FAM117A: variants seen among roughly 807,000 people sequenced by gnomAD.
FAM117A encodes protein FAM117A.
In FAM117A, 21 loss-of-function variants were observed where a neutral mutation model predicts 44.1. The ratio of observed to expected loss-of-function variants is 0.48; its 90% confidence interval spans 0.34 to 0.69. The LOEUF is 0.69. Ranked by LOEUF, FAM117A falls within the 30% of genes least tolerant of loss-of-function variation. FAM117A has a pLI of 0.01. For synonymous variants in FAM117A, 220 were observed against 238.3 expected (o/e 0.92, Z 0.71); for missense variants, 498 against 589.9 (o/e 0.84, Z 1.61).
upstream of FAM117A, among the ~76,000 whole-genome samples, chr17:49,768,366 A>G (rs934229701): frequency 2.2e-4 from 33 of 152,012 alleles, no homozygotes; most frequent in African/African-American, 6.5e-4. Flanking sequence ...GTTTCAAATC[A>G]CCATTTTTAC....
chr17:49,711,628 A>T, intron 7 of FAM117A, 73 bp from the exon 8 acceptor site: 1 of 1,415,978 alleles, frequency 7.1e-7, no homozygotes, highest in African/African-American at 1.4e-5. Flanking sequence ...AGAGGGTGAG[A>T]TGTCACAGCA....
chr17:49,761,883 C>G (rs2073723818), intron 1 of FAM117A, among the ~76,000 whole-genome samples: 3 of 152,226 alleles, frequency 2.0e-5, no homozygotes, highest in African/African-American at 7.2e-5. Flanking sequence ...GATAATCCCC[C>G]CAACTACCAA....
chr17:49,712,788 G>C (rs146799827), intron 7 of FAM117A, among the ~76,000 whole-genome samples: 27 of 152,326 alleles, frequency 1.8e-4, no homozygotes, highest in Non-Finnish European at 2.5e-4. Context: ...ACAACTGTGA[G>C]AAAGGCAGCT....
chr17:49,767,084 A>G (rs923306282), upstream of FAM117A, among the ~76,000 whole-genome samples: 2 of 152,220 alleles, frequency 1.3e-5, no homozygotes, highest in Non-Finnish European at 2.9e-5. Flanking sequence ...GGAGGCATGC[A>G]TAGGACAATT....
upstream of FAM117A, chr17:49,788,718 G>C: frequency 8.7e-6 from 10 of 1,152,664 alleles, no homozygotes; most frequent in Non-Finnish European, 1.1e-5. Context: ...GGAGGCACTA[G>C]GGATCGTCCG....
At chr17:49,724,575 G>C (rs1247832072) in intron 2 of FAM117A, 5 of 440,318 alleles carry the variant, frequency 1.1e-5, no homozygotes, top group South Asian at 3.2e-5. Flanking sequence ...GCTCATGCCT[G>C]TAATCCCAAC....
At chr17:49,758,678 T>A (rs752298908) in intron 1 of FAM117A, among the ~76,000 whole-genome samples, 1,860 of 129,200 alleles carry the variant, frequency 0.014, 44 homozygotes, top group African/African-American at 0.051. Flanking sequence ...AATAAATAAA[T>A]AAAATAAAAG....
At chr17:49,745,013 CAAAA>C (rs34358343) in intron 1 of FAM117A, among the ~76,000 whole-genome samples, 2 of 71,948 alleles carry the variant, frequency 2.8e-5, no homozygotes, top group Non-Finnish European at 5.0e-5. Context: ...GACTCTGTCT[CAAAA>C]AAAAAAAAAA....
chr17:49,740,655 A>G (rs1443613820), intron 1 of FAM117A, among the ~76,000 whole-genome samples: 1 of 152,208 alleles, frequency 6.6e-6, no homozygotes, highest in Non-Finnish European at 1.5e-5. Context: ...AGGCTGATGC[A>G]AATTCTCTCT....
chr17:49,763,123 T>TACACACACACAC (rs10603200), intron 1 of FAM117A, among the ~76,000 whole-genome samples: 13 of 141,068 alleles, frequency 9.2e-5, no homozygotes, highest in Admixed American at 3.6e-4. Context: ...TCCCCCCCGC[T>TACACACACACAC]ACACACACAC....
At chr17:49,719,626 A>T (rs2073523659) in intron 5 of FAM117A, 134 bp downstream of exon 5, 1 of 1,081,322 alleles carries the variant, frequency 9.2e-7, no homozygotes, top group South Asian at 1.8e-5. Flanking sequence ...TTCCTTTTGC[A>T]GGCTGGTGTT....
upstream of FAM117A, among the ~76,000 whole-genome samples, chr17:49,766,827 G>A (rs1021789816): frequency 6.6e-5 from 10 of 152,168 alleles, no homozygotes; most frequent in South Asian, 2.1e-4. Context: ...AAAATAAGGC[G>A]ACACATTATC....
At position 49,783,060 on chromosome 17, in the gene FAM117A, A is replaced by G. The variant is rs570023486; in HGVS notation, c.-621+5437T>C. Among the ~76,000 whole-genome samples, 4 of 152,358 alleles carry G rather than the reference A, an allele frequency of 2.6e-5. No homozygotes were observed. In the East Asian group the frequency reaches 7.7e-4, roughly 29 times the overall value. On this transcript the variant is annotated intron_variant, in intron 1 of 7. Coordinates refer to the FAM117A transcript ENST00000513602. ...TTGGTTTTGCTGGAATAAAAAAATG[A>G]AGGTTTATCCATAATGGCAATTCCC...
At chr17:49,788,972 C>T (rs1598044357), upstream of FAM117A, 1 of 907,128 alleles carries the variant, frequency 1.1e-6, no homozygotes, top group East Asian at 3.2e-5. Flanking sequence ...CCTTGTTCAG[C>T]TACCCTCTCT....
intron 1 of FAM117A, among the ~76,000 whole-genome samples, chr17:49,777,443 T>C (rs912728671): frequency 6.6e-6 from 1 of 152,082 alleles, no homozygotes; most frequent in South Asian, 2.1e-4. Context: ...GGTAGTATCT[T>C]GTATGAGACC....
At chr17:49,778,492 T>C (rs1207641849) in intron 1 of FAM117A, among the ~76,000 whole-genome samples, 4 of 152,242 alleles carry the variant, frequency 2.6e-5, no homozygotes, top group African/African-American at 9.6e-5. Flanking sequence ...CACAATCTTT[T>C]AACATTTTGC....
rs115550326 is a variant in FAM117A, at chr17:49,757,086, G to A, written c.196+6806C>T. On this transcript the variant is annotated intron_variant, in intron 1 of 7. Transcript: ENST00000240364. The stretch of plus-strand genomic sequence containing the variant: ...TGCTTCAGAGCAACCAAAACCCTCC[G>A]AGTCTTCCCAGGCCTCCCCCAGCCT... Among the ~76,000 whole-genome samples, 582 of 152,130 alleles carry A rather than the reference G, an allele frequency of 3.8e-3. 3 individuals carry two copies. Among genetic ancestry groups the A allele is most frequent in the African/African-American group, 0.013 (541 of 41,500 alleles).
In FAM117A at chr17:49,720,446, CAG is replaced by C; in HGVS notation, c.463-12_463-11del. On this transcript the variant is annotated splice_polypyrimidine_tract_variant and intron_variant, in intron 3 of 7. Coordinates refer to ENST00000240364, the MANE Select transcript of FAM117A (RefSeq NM_030802.4). ...GCTTCAACTTGGAAATCTAGCAGCCCAGAGAGAAGACGACAGAGGCAGATTAA... is the reference window on the plus strand; with the variant it reads ...GCTTCAACTTGGAAATCTAGCAGCCCAGAGAAGACGACAGAGGCAGATTAA... The C allele has an allele frequency of 6.2e-7, 1 of 1,610,594 alleles. No individual in the cohort carries two copies. The highest frequency in any genetic ancestry group is 1.1e-5 in the South Asian group (1 of 91,068).
At chr17:49,731,314 C>T (rs879023724) in intron 2 of FAM117A, among the ~76,000 whole-genome samples, 2 of 152,256 alleles carry the variant, frequency 1.3e-5, no homozygotes, top group East Asian at 1.9e-4. Flanking sequence ...CTGCCTATCT[C>T]GAAATAACTC....
Sources: allele counts gnomAD v4.1 joint callset (sites outside exome capture counted in the v4.1 genomes callset), GRCh38; gene constraint gnomAD v4.1.1; transcripts MANE v1.5; gene names NCBI Gene and HGNC (gene_info 2026-07-23, HGNC 2026-07-21).